The following NSUN3 variants were observed in gnomAD, a reference collection of about 807,000 sequenced individuals.
NSUN3 encodes tRNA (cytosine(34)-C(5))-methyltransferase, mitochondrial.
NSUN3 carries 24 observed loss-of-function variants against 36.8 expected under a neutral mutation model. The ratio of observed to expected loss-of-function variants is 0.65; its 90% CI spans 0.47 to 0.92. The LOEUF (loss-of-function observed/expected upper bound fraction) is 0.92, where lower values mean the gene tolerates loss of function less well. Among genes scored for constraint, NSUN3 ranks in the 40% least tolerant of loss-of-function variants. NSUN3 has a pLI of 0.00. For missense variants in NSUN3, 381 were observed against 392.8 expected, an observed-to-expected ratio of 0.97 and a Z score of 0.25; for synonymous variants, 146 against 145.2, an observed-to-expected ratio of 1.01 and a Z score of -0.04.
intron 5 of NSUN3, among the ~76,000 whole-genome samples, chr3:94,103,933 G>C (rs1224740293): frequency 2.0e-5 from 3 of 152,178 alleles, no homozygotes; most frequent in African/African-American, 7.2e-5. Context: ...AAGAAAGAAG[G>C]CAGGTGACCC....
intron 2 of NSUN3, among the ~76,000 whole-genome samples, chr3:94,071,194 G>A (rs988381906): frequency 2.0e-5 from 3 of 151,892 alleles, no homozygotes; most frequent in Non-Finnish European, 2.9e-5. Context: ...TGTTTTGATC[G>A]GTTTTGTACT....
chr3:94,068,904 A>T (rs939756225), intron 2 of NSUN3, among the ~76,000 whole-genome samples: 4 of 152,208 alleles, frequency 2.6e-5, no homozygotes, highest in Non-Finnish European at 5.9e-5. Flanking sequence ...CTAGATTTCT[A>T]TATTGTCCTA....
At chr3:94,095,717 T>C (rs2077335740) in intron 5 of NSUN3, among the ~76,000 whole-genome samples, 1 of 152,126 alleles carries the variant, frequency 6.6e-6, no homozygotes, top group African/African-American at 2.4e-5. Context: ...GTAATTCTCT[T>C]GTTTAATGCT....
intron 2 of NSUN3, among the ~76,000 whole-genome samples, chr3:94,073,801 T>C (rs1315865470): frequency 2.0e-5 from 3 of 152,242 alleles, no homozygotes; most frequent in Admixed American, 1.3e-4. Context: ...CTCTTTCGTT[T>C]AATTAGATCC....
intron 5 of NSUN3, among the ~76,000 whole-genome samples, chr3:94,115,601 T>C (rs2107270103): frequency 6.6e-6 from 1 of 152,322 alleles, no homozygotes. Context: ...AAGAATTTGT[T>C]TATCTTCTGG....
At position 94,128,220 on chromosome 3, in the gene NSUN3, G is replaced by A. The variant is rs955418252; in HGVS notation, c.*1730G>A. ...GCCTGGGCGACAAGAGTGAAACCCCGTAGCAAAAAAATAATAATAATAGTA... is the reference window on the plus strand; with the variant it reads ...GCCTGGGCGACAAGAGTGAAACCCCATAGCAAAAAAATAATAATAATAGTA... On this transcript the variant is annotated 3_prime_UTR_variant, in exon 6 of 6. Coordinates refer to ENST00000314622, the MANE Select transcript of NSUN3 (RefSeq NM_022072.5). 21 of 151,772 alleles carry A rather than the reference G, an allele frequency of 1.4e-4. No homozygotes were observed. Among genetic ancestry groups the A allele is most frequent in the Middle Eastern group, 3.4e-3 (1 of 292 alleles). The allele number at this position is 151,772 out of a possible 1,614,324, so 9.4% of individuals were successfully genotyped here. A position where few individuals can be genotyped will look rare whatever the true frequency, so the allele number is the denominator to read the frequency against.
At chr3:94,078,014 T>C (rs1189792959) in intron 2 of NSUN3, among the ~76,000 whole-genome samples, 1 of 152,210 alleles carries the variant, frequency 6.6e-6, no homozygotes, top group East Asian at 1.9e-4. Context: ...CTTCTCTAGT[T>C]CTTTTAATTT....
At chr3:94,073,008 G>A (rs1441920733) in intron 2 of NSUN3, among the ~76,000 whole-genome samples, 1 of 152,100 alleles carries the variant, frequency 6.6e-6, no homozygotes, top group Non-Finnish European at 1.5e-5. Context: ...CTGTGTCCAT[G>A]TGTTCTCATT....
intron 2 of NSUN3, among the ~76,000 whole-genome samples, chr3:94,075,529 C>T (rs972147812): frequency 1.3e-5 from 2 of 152,186 alleles, no homozygotes; most frequent in African/African-American, 4.8e-5. Context: ...CTTCATGGCT[C>T]AGACACCTAC....
At chr3:94,117,550 C>T (rs1426627174) in intron 5 of NSUN3, among the ~76,000 whole-genome samples, 1 of 152,056 alleles carries the variant, frequency 6.6e-6, no homozygotes, top group Admixed American at 6.6e-5. Context: ...TGCATTTCAG[C>T]CTGTTCCATG....
chr3:94,088,160 G>A (rs1299213529), intron 3 of NSUN3, among the ~76,000 whole-genome samples: 2 of 151,954 alleles, frequency 1.3e-5, no homozygotes, highest in Non-Finnish European at 2.9e-5. Flanking sequence ...AATTTTCCTG[G>A]AATGCCTTCT....
intron 2 of NSUN3, among the ~76,000 whole-genome samples, chr3:94,074,757 C>T (rs2077239753): frequency 6.6e-6 from 1 of 152,152 alleles, no homozygotes; most frequent in African/African-American, 2.4e-5. Context: ...CAAACAGAGA[C>T]AATTTGACTT....
At position 94,129,919 on chromosome 3, in the gene NSUN3, A is replaced by AT. The variant is rs1417471432; in HGVS notation, c.*3437dup. Among the ~76,000 whole-genome samples the AT allele has an allele frequency of 2.0e-5, 3 of 150,648 alleles. No individual in the cohort carries two copies. Among genetic ancestry groups the AT allele is most frequent in the East Asian group, 3.9e-4 (2 of 5,116 alleles). On this transcript the variant is annotated 3_prime_UTR_variant, in exon 6 of 6. Coordinates refer to ENST00000314622, the MANE Select transcript of NSUN3 (RefSeq NM_022072.5). ...AGGCACCCGCCACCATGCTTGGCTA[A>AT]TTTTTTTTGTATTTTTAGTAAAGAT...
chr3:94,125,412 A>G (rs995850325), intron 5 of NSUN3, among the ~76,000 whole-genome samples: 4 of 152,188 alleles, frequency 2.6e-5, no homozygotes, highest in Non-Finnish European at 4.4e-5. Context: ...TCTTCATGGT[A>G]GAATGCAGAG....
rs1307359226 is a variant in NSUN3 at position 94,129,277 on chromosome 3, A to G, written c.*2787A>G. 2.6e-5 allele frequency among the ~76,000 whole-genome samples: 4 copies of G among 152,248 alleles called. No individual in the cohort carries two copies. The highest frequency in any genetic ancestry group is 5.9e-5 in the Non-Finnish European group (4 of 68,040). ...TAACCGCCCATCAGCAGTTGATTGA[A>G]TAAAGGAAATGTGGTACATATACCT... is the stretch of plus-strand genomic sequence containing the variant. On this transcript the variant is annotated 3_prime_UTR_variant, in exon 6 of 6. Transcript: ENST00000314622.
rs531185174 is a variant in NSUN3 at position 94,120,787 on chromosome 3, A to C, written c.744-5424A>C. The stretch of plus-strand genomic sequence containing the variant: ...TGCTTTCAATTGTTTGGGGAATATG[A>C]CCAGAAGTGGAATTGCTGGAGCACA... On this transcript the variant is annotated intron_variant, in intron 5 of 5. Coordinates refer to ENST00000314622, the MANE Select transcript of NSUN3 (RefSeq NM_022072.5). Among the ~76,000 whole-genome samples the C allele has an allele frequency of 5.1e-3, 772 of 152,268 alleles. 7 individuals carry two copies. Among genetic ancestry groups the C allele is most frequent in the African/African-American group, 0.017 (704 of 41,536 alleles).
intron 5 of NSUN3, among the ~76,000 whole-genome samples, chr3:94,097,545 G>T (rs1560036313): frequency 6.6e-6 from 1 of 151,746 alleles, no homozygotes; most frequent in South Asian, 2.1e-4. Context: ...TCTTTAATTT[G>T]TCTCATCCGA....
intron 2 of NSUN3, among the ~76,000 whole-genome samples, chr3:94,073,151 C>T (rs1576081484): frequency 1.3e-5 from 2 of 152,192 alleles, no homozygotes. Context: ...TATATGGCTG[C>T]ATAGTATTTC....
intron 2 of NSUN3, among the ~76,000 whole-genome samples, chr3:94,066,686 T>C (rs886673873): frequency 6.6e-6 from 1 of 152,184 alleles, no homozygotes; most frequent in South Asian, 2.1e-4. Context: ...CTTTTATCAG[T>C]ATGCTGTCAT....
Sources: allele counts gnomAD v4.1 joint callset (sites outside exome capture counted in the v4.1 genomes callset), GRCh38; gene constraint gnomAD v4.1.1; transcripts MANE v1.5; gene names NCBI Gene and HGNC (gene_info 2026-07-23, HGNC 2026-07-21).